Variants in JMY observed in about 807,000 individuals in gnomAD.
The protein encoded by JMY is junction mediating and regulatory protein, p53 cofactor, also known as junction-mediating and -regulatory protein.
In JMY, 46 loss-of-function variants were observed where a neutral mutation model predicts 103.3. The observed-to-expected ratio is 0.45, with a 90% CI of 0.35 to 0.57. The LOEUF (loss-of-function observed/expected upper bound fraction) is 0.57, where lower values mean the gene tolerates loss of function less well. Ranked by LOEUF, JMY falls within the 20% of genes least tolerant of loss-of-function variation. The pLI is 0.00. For missense variants in JMY, 1,238 were observed against 1,255.2 expected, an observed-to-expected ratio of 0.99 and a Z score of 0.21; for synonymous variants, 526 against 489.3, an observed-to-expected ratio of 1.07 and a Z score of -0.99.
At chr5:79,285,024 A>C in intron 2 of JMY, 1 of 700,974 alleles carries the variant, frequency 1.4e-6, no homozygotes. Flanking sequence ...TTAATGAGTC[A>C]GAGCCAGCTG....
Position 79,293,945 on chromosome 5 carries a change from C to G in JMY, c.1527+2646C>G, listed in dbSNP as rs929203792. 1.3e-4 allele frequency among the ~76,000 whole-genome samples: 20 copies of G among 152,258 alleles called. 1 individual carries two copies. Among genetic ancestry groups the G allele is most frequent in the Admixed American group, 5.9e-4 (9 of 15,292 alleles). ...TGTTAATCCAGGTTATCAGATATAG[C>G]TTACGTTTTTTGTTTTAAACTATTG... On this transcript the variant is annotated intron_variant, in intron 4 of 10. Transcript: ENST00000396137.
intron 1 of JMY, among the ~76,000 whole-genome samples, chr5:79,265,638 A>G (rs1396180342): frequency 6.6e-6 from 1 of 152,156 alleles, no homozygotes; most frequent in African/African-American, 2.4e-5. Flanking sequence ...CCCACTCTGT[A>G]GATGGGCTTA....
chr5:79,283,010 T>C (rs1457529620), intron 2 of JMY, among the ~76,000 whole-genome samples: 10 of 149,998 alleles, frequency 6.7e-5, no homozygotes. Flanking sequence ...ATTATTATTA[T>C]TTTGAGACGG....
At chr5:79,306,560 ATG>A in intron 7 of JMY, 99 bp downstream of exon 7, 1 of 822,606 alleles carries the variant, frequency 1.2e-6, no homozygotes. Flanking sequence ...TTATAACTGC[ATG>A]TTAACATTAG....
At chr5:79,306,872 T>C (rs1052729467) in intron 7 of JMY, among the ~76,000 whole-genome samples, 11 of 152,308 alleles carry the variant, frequency 7.2e-5, no homozygotes, top group African/African-American at 2.2e-4. Context: ...TATAGTATCA[T>C]ATGGAATAAT....
chr5:79,243,214 A>T (rs1744793371), intron 1 of JMY, among the ~76,000 whole-genome samples: 1 of 152,208 alleles, frequency 6.6e-6, no homozygotes, highest in Non-Finnish European at 1.5e-5. Flanking sequence ...TTTGTTTAAC[A>T]GGTGTCCTCC....
chr5:79,256,604 G>C (rs1411268974), intron 1 of JMY, among the ~76,000 whole-genome samples: 1 of 152,164 alleles, frequency 6.6e-6, no homozygotes, highest in Non-Finnish European at 1.5e-5. Flanking sequence ...GATGGAGTCT[G>C]TGTTATCCAG....
intron 1 of JMY, 38 bp downstream of exon 1, chr5:79,237,720 G>C: frequency 6.4e-7 from 1 of 1,559,560 alleles, no homozygotes; most frequent in Non-Finnish European, 8.7e-7. Context: ...TCTACTGGTC[G>C]CTTTTGGTTT....
intron 2 of JMY, among the ~76,000 whole-genome samples, 169 bp from the exon 3 acceptor site, chr5:79,289,951 AT>A (rs1746374890): frequency 6.6e-6 from 1 of 152,198 alleles, no homozygotes; most frequent in Non-Finnish European, 1.5e-5. Flanking sequence ...ATAGGTTTCT[AT>A]GTCAAATATC....
At chr5:79,280,166 A>G (rs1379857978) in intron 2 of JMY, among the ~76,000 whole-genome samples, 1 of 152,206 alleles carries the variant, frequency 6.6e-6, no homozygotes, top group Non-Finnish European at 1.5e-5. Context: ...TCTTTAAATG[A>G]ATCATGGATA....
At position 79,237,233 on chromosome 5, in the gene JMY, G is replaced by A. The variant is rs1232577475; in HGVS notation, c.583G>A (p.Val195Met). 1.9e-6 allele frequency: 3 copies of A among 1,550,700 alleles called. No homozygotes were observed. The highest frequency in any genetic ancestry group is 2.4e-5 in the South Asian group (2 of 84,086). The change falls in exon 1 of 11, where the codon GTG becomes ATG. Residue 195 changes from valine (V) to methionine (M), a missense_variant. By Grantham distance (21) the Val-to-Met change is conservative. Coordinates refer to ENST00000396137, the MANE Select transcript of JMY (RefSeq NM_152405.5). ...ASGTVSEEIE[V>M]LEMVKEDEAP... ...TGGGACGGTCTCCGAGGAGATAGAG[G>A]TGCTGGAAATGGTGAAGGAGGACGA...
chr5:79,258,698 T>C (rs1745330091), intron 1 of JMY, among the ~76,000 whole-genome samples: 1 of 152,172 alleles, frequency 6.6e-6, no homozygotes, highest in African/African-American at 2.4e-5. Context: ...TTTCCATGGC[T>C]GACACCAGGG....
At chr5:79,256,485 C>A (rs1163938971) in intron 1 of JMY, among the ~76,000 whole-genome samples, 1 of 152,006 alleles carries the variant, frequency 6.6e-6, no homozygotes, top group Non-Finnish European at 1.5e-5. Flanking sequence ...TAGTCTCGCC[C>A]CACCCCATAG....
chr5:79,271,964 T>C (rs934004226), intron 1 of JMY, among the ~76,000 whole-genome samples: 3 of 151,984 alleles, frequency 2.0e-5, no homozygotes, highest in Non-Finnish European at 4.4e-5. Flanking sequence ...ACAAAAAAAT[T>C]AGCCAGGCTT....
intron 6 of JMY, among the ~76,000 whole-genome samples, chr5:79,303,181 A>C (rs1168489154): frequency 6.6e-6 from 1 of 152,206 alleles, no homozygotes; most frequent in Non-Finnish European, 1.5e-5. Flanking sequence ...GGGTCTTATA[A>C]GAGTGTATGA....
intron 1 of JMY, among the ~76,000 whole-genome samples, chr5:79,264,597 A>G (rs971965547): frequency 6.6e-6 from 1 of 152,174 alleles, no homozygotes; most frequent in Non-Finnish European, 1.5e-5. Flanking sequence ...AAGAGTTAAT[A>G]TAATTTTAAT....
At chr5:79,282,293 C>CT (rs1213248274) in intron 2 of JMY, among the ~76,000 whole-genome samples, 1 of 152,048 alleles carries the variant, frequency 6.6e-6, no homozygotes, top group Non-Finnish European at 1.5e-5. Flanking sequence ...CCTTGGGTGG[C>CT]TTAGGGGAAA....
intron 10 of JMY, among the ~76,000 whole-genome samples, chr5:79,318,792 AGAGAGAGAGAGG>A (rs761442933): frequency 0.011 from 230 of 21,292 alleles, 1 homozygote; most frequent in African/African-American, 0.052. Flanking sequence ...AGAGAGAGAG[AGAGAGAGAGAGG>A]GATGCATATC....
intron 4 of JMY, among the ~76,000 whole-genome samples, chr5:79,293,323 C>T (rs868396272): frequency 3.3e-5 from 5 of 152,006 alleles, no homozygotes; most frequent in South Asian, 2.1e-4. Flanking sequence ...TTCTGTTTGA[C>T]TTGAAAGAAT....
Sources: gnomAD v4.1 joint callset for allele counts (sites outside exome capture counted in the v4.1 genomes callset) on GRCh38, gnomAD v4.1.1 for gene constraint, MANE v1.5 for transcripts, NCBI Gene and HGNC (gene_info 2026-07-23, HGNC 2026-07-21) for gene names.